The following DCDC2C variants were observed in gnomAD, a reference collection of about 807,000 sequenced individuals.
The protein encoded by DCDC2C is doublecortin domain-containing protein 2C.
A neutral mutation model predicts 45.0 loss-of-function variants in DCDC2C; 44 were observed. That is an observed-to-expected ratio of 0.98 (90% CI 0.77 to 1.26). The LOEUF (loss-of-function observed/expected upper bound fraction) is 1.26, where lower values mean the gene tolerates loss of function less well. DCDC2C is among the 50% of genes most tolerant of loss of function. The pLI is 0.00. For missense variants in DCDC2C, 447 were observed against 468.9 expected, an observed-to-expected ratio of 0.95 and a Z score of 0.43; for synonymous variants, 187 against 178.8, an observed-to-expected ratio of 1.05 and a Z score of -0.37.
intron 10 of DCDC2C, among the ~76,000 whole-genome samples, chr2:3,799,164 G>A (rs1029531361): frequency 2.4e-3 from 363 of 151,850 alleles, no homozygotes; most frequent in Non-Finnish European, 4.0e-3. Flanking sequence ...TGATCGCATC[G>A]GCTCCTGAGG....
At chr2:3,708,144 G>C (rs191958533) in intron 1 of DCDC2C, among the ~76,000 whole-genome samples, 3,910 of 152,262 alleles carry the variant, frequency 0.026, 176 homozygotes, top group African/African-American at 0.089. Context: ...TGGGGGTGCA[G>C]AGGAGCTGGA....
chr2:3,832,671 T>C (rs1033238067), intron 10 of DCDC2C, among the ~76,000 whole-genome samples: 25 of 152,222 alleles, frequency 1.6e-4, no homozygotes, highest in African/African-American at 5.5e-4. Flanking sequence ...CCCTCCAATA[T>C]TAGGCATATG....
At chr2:3,742,268 A>G (rs192461977) in intron 4 of DCDC2C, among the ~76,000 whole-genome samples, 1 of 152,300 alleles carries the variant, frequency 6.6e-6, no homozygotes, top group African/African-American at 2.4e-5. Flanking sequence ...AGCATCTACC[A>G]TGTGCTAGGG....
At chr2:3,778,403 G>T (rs1335666146) in intron 8 of DCDC2C, among the ~76,000 whole-genome samples, 1 of 152,184 alleles carries the variant, frequency 6.6e-6, no homozygotes, top group East Asian at 1.9e-4. Context: ...AGTGTGCCAT[G>T]AAAACTAGGA....
Position 3,752,914 on chromosome 2 carries a change from G to C in DCDC2C, c.683+14G>C. 6.5e-7 allele frequency: 1 copy of C among 1,546,348 alleles called. No individual in the cohort carries two copies. The highest frequency in any genetic ancestry group is 8.7e-7 in the Non-Finnish European group (1 of 1,144,626). ...TGAGGTCCAACAGTGAGCATGCTTC[G>C]TACCTTTCTTTCCTGAGTTTTGGAA... On this transcript the variant is annotated intron_variant, in intron 5 of 10. Coordinates refer to ENST00000399143, the MANE Select transcript of DCDC2C (RefSeq NM_001287444.2).
At chr2:3,780,321 CG>C (rs1370177896) in intron 9 of DCDC2C, among the ~76,000 whole-genome samples, 1 of 152,146 alleles carries the variant, frequency 6.6e-6, no homozygotes, top group African/African-American at 2.4e-5. Flanking sequence ...TTCTGACTGC[CG>C]TGAGTTTGTG....
At chr2:3,730,406 C>T (rs1176154802) in intron 3 of DCDC2C, among the ~76,000 whole-genome samples, 1 of 152,200 alleles carries the variant, frequency 6.6e-6, no homozygotes, top group African/African-American at 2.4e-5. Flanking sequence ...GCTGTGTTAG[C>T]TATTGTGTCG....
intron 4 of DCDC2C, among the ~76,000 whole-genome samples, chr2:3,747,616 C>G (rs984606456): frequency 2.0e-5 from 3 of 152,268 alleles, no homozygotes; most frequent in African/African-American, 7.2e-5. Context: ...GCAGGGCACA[C>G]ACTGGACACG....
At chr2:3,721,241 A>G (rs1452430061) in intron 2 of DCDC2C, among the ~76,000 whole-genome samples, 4 of 151,442 alleles carry the variant, frequency 2.6e-5, no homozygotes, top group Admixed American at 1.3e-4. Flanking sequence ...ATTTCATTGC[A>G]TCTGTTCTAG....
chr2:3,845,182 T>C (rs1001411114), intron 10 of DCDC2C, among the ~76,000 whole-genome samples: 6 of 152,150 alleles, frequency 3.9e-5, no homozygotes, highest in African/African-American at 1.4e-4. Flanking sequence ...CTAATAATAA[T>C]AACGAACTCA....
rs1353005857 is a variant in DCDC2C at position 3,769,316 on chromosome 2, G to A, written c.859G>A (p.Asp287Asn). ...EPLVQRGAEGDVYKAPTPSKE... is the reference protein window; with the variant it reads ...EPLVQRGAEGNVYKAPTPSKE... ...TCTGTGTGATTTTCTCCCAGAAGGTGACGTGTATAAAGCACCGACTCCTAG... is the reference window on the plus strand; with the variant it reads ...TCTGTGTGATTTTCTCCCAGAAGGTAACGTGTATAAAGCACCGACTCCTAG... The change falls in exon 8 of 11, where the codon GAC becomes AAC. Residue 287 changes from aspartate to asparagine, a missense_variant. Asp to Asn is a conservative substitution (Grantham distance 23). Transcript: ENST00000399143. 1.3e-6 allele frequency: 2 copies of A among 1,549,970 alleles called. No individual in the cohort carries two copies. Among genetic ancestry groups the A allele is most frequent in the African/African-American group, 1.4e-5 (1 of 73,030 alleles).
At chr2:3,720,348 C>T (rs1041710946) in intron 2 of DCDC2C, among the ~76,000 whole-genome samples, 3 of 151,910 alleles carry the variant, frequency 2.0e-5, no homozygotes, top group Non-Finnish European at 2.9e-5. Context: ...GTGAGGTTTT[C>T]AGAGGAACTC....
intron 4 of DCDC2C, among the ~76,000 whole-genome samples, chr2:3,747,900 G>T (rs58284274): frequency 6.6e-6 from 1 of 152,164 alleles, no homozygotes; most frequent in African/African-American, 2.4e-5. Flanking sequence ...CAGGGCTTGC[G>T]GTGAGTCACT....
At chr2:3,777,723 T>A (rs1028563733) in intron 8 of DCDC2C, among the ~76,000 whole-genome samples, 3 of 152,138 alleles carry the variant, frequency 2.0e-5, no homozygotes, top group Non-Finnish European at 4.4e-5. Context: ...GCTGATGGGG[T>A]CTGCCATACT....
At chr2:3,754,013 T>C (rs112736469) in intron 5 of DCDC2C, among the ~76,000 whole-genome samples, 7 of 152,328 alleles carry the variant, frequency 4.6e-5, no homozygotes, top group Non-Finnish European at 7.4e-5. Flanking sequence ...TCGTTCTTTC[T>C]ATCTGCCCCC....
chr2:3,763,277 C>T (rs1187161363), intron 6 of DCDC2C, among the ~76,000 whole-genome samples: 3 of 152,188 alleles, frequency 2.0e-5, no homozygotes, highest in Non-Finnish European at 2.9e-5. Flanking sequence ...AGGAGGCAGG[C>T]ACCATCTCCA....
chr2:3,774,727 G>A (rs61278165), intron 8 of DCDC2C, among the ~76,000 whole-genome samples: 11 of 151,886 alleles, frequency 7.2e-5, no homozygotes, highest in Admixed American at 6.6e-4. Flanking sequence ...TTCAGGCTCC[G>A]CTGAAATGTA....
intron 6 of DCDC2C, among the ~76,000 whole-genome samples, chr2:3,755,347 A>G (rs1270886258): frequency 1.3e-5 from 2 of 152,078 alleles, no homozygotes; most frequent in Admixed American, 6.5e-5. Flanking sequence ...GTATAGATGC[A>G]TATGTGTGTA....
chr2:3,785,768 T>G (rs1376203815), intron 10 of DCDC2C, among the ~76,000 whole-genome samples: 7 of 152,146 alleles, frequency 4.6e-5, no homozygotes, highest in African/African-American at 1.7e-4. Context: ...TAGTCTTTAG[T>G]TTTCCTAGAC....
Sources: allele counts gnomAD v4.1 joint callset (sites outside exome capture counted in the v4.1 genomes callset), GRCh38; gene constraint gnomAD v4.1.1; transcripts MANE v1.5; gene names NCBI Gene and HGNC (gene_info 2026-07-23, HGNC 2026-07-21).